Variants in ERBIN observed in about 807,000 individuals in gnomAD.
The protein encoded by ERBIN is densin-180-like protein.
In ERBIN, 60 loss-of-function variants were observed where a neutral mutation model predicts 158.4. The ratio of observed to expected loss-of-function variants is 0.38; its 90% CI spans 0.31 to 0.47. ERBIN has a LOEUF of 0.47. Ranked by LOEUF, ERBIN falls within the 20% of genes least tolerant of loss-of-function variation. The probability of loss-of-function intolerance (pLI) is 0.99; values close to 1 mark genes in which losing one functional copy is unlikely to be tolerated. For missense variants in ERBIN, 1,610 were observed against 1,648.0 expected (o/e 0.98, Z 0.40); for synonymous variants, 594 against 557.2 (o/e 1.07, Z -0.93).
In ERBIN at chr5:65,952,148, T is replaced by C. The variant is rs540906462; in HGVS notation, c.-58+25342T>C. ...TGAAAAGTCAGAAAACACAGGATAC[T>C]CTTATTTTTATATCTGTTATATTTT... On this transcript the variant is annotated intron_variant, in intron 1 of 25. Transcript: ENST00000284037. Among the ~76,000 whole-genome samples, 6 of 152,290 alleles carry C rather than the reference T, an allele frequency of 3.9e-5. No homozygotes were observed. In the South Asian group the frequency reaches 8.3e-4, roughly 21 times the overall value.
chr5:65,966,569 A>G (rs1748643275), intron 1 of ERBIN, among the ~76,000 whole-genome samples: 1 of 149,198 alleles, frequency 6.7e-6, no homozygotes, highest in Admixed American at 6.8e-5. Context: ...AATCCCAGCT[A>G]TTGGGAAGGC....
intron 1 of ERBIN, among the ~76,000 whole-genome samples, chr5:65,930,379 C>A (rs1743215195): frequency 6.6e-6 from 1 of 152,316 alleles, no homozygotes; most frequent in East Asian, 1.9e-4. Context: ...GATTTTGGCC[C>A]ACTGCAAGCT....
At chr5:66,065,839 G>A (rs151132617) in intron 21 of ERBIN, among the ~76,000 whole-genome samples, 1 of 152,226 alleles carries the variant, frequency 6.6e-6, no homozygotes, top group African/African-American at 2.4e-5. Flanking sequence ...ATAAGGTGAA[G>A]CCACTGTTAC....
chr5:65,930,263 A>G (rs1017665030), intron 1 of ERBIN, among the ~76,000 whole-genome samples: 5 of 152,214 alleles, frequency 3.3e-5, no homozygotes, highest in Admixed American at 6.5e-5. Context: ...TTGCATTTCA[A>G]CTAAGTGTAC....
intron 20 of ERBIN, 83 bp from the exon 21 acceptor site, chr5:66,053,323 C>G (rs1047051378): frequency 1.2e-6 from 1 of 800,296 alleles, no homozygotes; most frequent in Non-Finnish European, 1.9e-6. Context: ...ACTTGTCTAC[C>G]TACACAATTT....
rs886256626 is a variant in ERBIN, at chr5:65,991,452, C to T, written c.-9-1258C>T. On this transcript the variant is annotated intron_variant, in intron 2 of 25. Transcript: ENST00000284037. ...TACAGTAAGAATGGATTGTTTTACA[C>T]AGAAAGAATTGATAACACTAATTAT... 1.8e-4 allele frequency among the ~76,000 whole-genome samples: 27 copies of T among 152,130 alleles called. 1 individual carries two copies. Among genetic ancestry groups the T allele is most frequent in the Admixed American group, 7.9e-4 (12 of 15,282 alleles).
intron 1 of ERBIN, among the ~76,000 whole-genome samples, chr5:65,968,154 A>G (rs1052160407): frequency 2.6e-5 from 4 of 152,200 alleles, no homozygotes; most frequent in African/African-American, 9.6e-5. Context: ...GAATTTGTGG[A>G]AAATGTTATA....
chr5:65,944,174 G>T (rs1745443760), intron 1 of ERBIN, among the ~76,000 whole-genome samples: 1 of 149,022 alleles, frequency 6.7e-6, no homozygotes, highest in South Asian at 2.1e-4. Context: ...AAGCGGAATT[G>T]CTGGCTCATA....
At chr5:65,987,251 TGAAAG>T (rs892714496) in intron 1 of ERBIN, among the ~76,000 whole-genome samples, 1 of 151,774 alleles carries the variant, frequency 6.6e-6, no homozygotes, top group African/African-American at 2.4e-5. Context: ...TCTAGAGTCT[TGAAAG>T]GAAGGCCAGG....
At chr5:66,041,224 A>G (rs16894777) in intron 15 of ERBIN, among the ~76,000 whole-genome samples, 6,125 of 152,098 alleles carry the variant, frequency 0.04, 421 homozygotes, top group African/African-American at 0.14. Flanking sequence ...TTTACCAGCA[A>G]TAATAAGGAA....
intron 1 of ERBIN, among the ~76,000 whole-genome samples, chr5:65,966,033 A>C (rs1190712868): frequency 6.6e-6 from 1 of 152,204 alleles, no homozygotes; most frequent in Non-Finnish European, 1.5e-5. Context: ...TTCTCATGTG[A>C]AATGTTAGAG....
chr5:65,933,333 A>G (rs1048708915), intron 1 of ERBIN, among the ~76,000 whole-genome samples: 8 of 152,200 alleles, frequency 5.3e-5, no homozygotes, highest in Non-Finnish European at 8.8e-5. Flanking sequence ...TCCCAGCCCA[A>G]TGAATCCTTC....
chr5:65,963,032 C>G (rs1055301788), intron 1 of ERBIN, among the ~76,000 whole-genome samples: 3 of 152,072 alleles, frequency 2.0e-5, no homozygotes, highest in Non-Finnish European at 4.4e-5. Context: ...ATACATTTGT[C>G]TCATTTGAGT....
intron 21 of ERBIN, among the ~76,000 whole-genome samples, chr5:66,061,132 G>A (rs1760246622): frequency 6.6e-6 from 1 of 152,140 alleles, no homozygotes; most frequent in East Asian, 1.9e-4. Context: ...TCTGTCTAAT[G>A]TTGACAGTGG....
chr5:65,980,041 A>C (rs1014560477), intron 1 of ERBIN, among the ~76,000 whole-genome samples: 2 of 152,234 alleles, frequency 1.3e-5, no homozygotes, highest in African/African-American at 2.4e-5. Flanking sequence ...AGGATAGCTA[A>C]AAGTCCACAA....
chr5:66,063,339 C>A (rs10079280), intron 21 of ERBIN, among the ~76,000 whole-genome samples: 2,672 of 152,320 alleles, frequency 0.018, 81 homozygotes, highest in African/African-American at 0.062. Flanking sequence ...CCCTCCGAGC[C>A]AGTTGCGGGA....
intron 1 of ERBIN, among the ~76,000 whole-genome samples, chr5:65,966,615 G>A (rs1748648686): frequency 7.0e-6 from 1 of 142,830 alleles, no homozygotes; most frequent in African/African-American, 2.6e-5. Context: ...AGGAGGCAGA[G>A]GCTGCGGTGA....
At chr5:66,015,162 T>A (rs917638149) in intron 7 of ERBIN, among the ~76,000 whole-genome samples, 2 of 152,102 alleles carry the variant, frequency 1.3e-5, no homozygotes, top group African/African-American at 4.8e-5. Context: ...ATGCGATGAT[T>A]GGTTCCCTAA....
Position 65,973,322 on chromosome 5 carries a change from C to T in ERBIN, c.-57-15313C>T, listed in dbSNP as rs1749478557. The stretch of plus-strand genomic sequence containing the variant: ...AATGTAAATGACGAGTTAATGGGTG[C>T]AGCACACCAACATGGCACATGTATA... On this transcript the variant is annotated intron_variant, in intron 1 of 25. Coordinates refer to ENST00000284037, the MANE Select transcript of ERBIN (RefSeq NM_001253697.2). Among the ~76,000 whole-genome samples, 2 of 151,026 alleles carry T rather than the reference C, an allele frequency of 1.3e-5. 1 individual carries two copies. The highest frequency in any genetic ancestry group is 4.9e-5 in the African/African-American group (2 of 40,432).
Sources: gnomAD v4.1 joint callset for allele counts (sites outside exome capture counted in the v4.1 genomes callset) on GRCh38, gnomAD v4.1.1 for gene constraint, MANE v1.5 for transcripts, NCBI Gene and HGNC (gene_info 2026-07-23, HGNC 2026-07-21) for gene names.